LARGE1: variants seen among roughly 807,000 people sequenced by gnomAD.
The protein encoded by LARGE1 is xylosyl- and glucuronyltransferase LARGE1.
A neutral mutation model predicts 87.6 loss-of-function variants in LARGE1; 43 were observed. The observed-to-expected ratio is 0.49, with a 90% confidence interval of 0.38 to 0.63. LARGE1 has a LOEUF of 0.63. LARGE1 is among the 30% of genes least tolerant of loss of function. LARGE1 has a pLI of 0.00. For missense variants in LARGE1, 802 were observed against 1,000.2 expected (o/e 0.80, Z 2.67); for synonymous variants, 434 against 394.6 (o/e 1.10, Z -1.18).
At chr22:33,145,349 G>A in the LARGE1 span, among the ~76,000 whole-genome samples, 23 of 152,132 alleles carry the variant, frequency 1.5e-4, no homozygotes, top group African/African-American at 4.8e-4. Flanking sequence ...AGGAAGCTCT[G>A]TACAACCATC....
At chr22:33,687,679 A>G (rs938939606) in intron 2 of LARGE1, among the ~76,000 whole-genome samples, 3 of 152,108 alleles carry the variant, frequency 2.0e-5, no homozygotes, top group Non-Finnish European at 2.9e-5. Context: ...CGTGCTAGGG[A>G]AAGTGTGGAG....
At chr22:33,603,196 T>C (rs2079157556) in intron 5 of LARGE1, among the ~76,000 whole-genome samples, 3 of 152,188 alleles carry the variant, frequency 2.0e-5, no homozygotes, top group Admixed American at 1.3e-4. Context: ...CTGGCTGGCA[T>C]GTCAGTGATC....
intron 2 of LARGE1, among the ~76,000 whole-genome samples, chr22:33,759,662 T>G (rs2084652925): frequency 6.6e-6 from 1 of 152,194 alleles, no homozygotes; most frequent in Admixed American, 6.5e-5. Flanking sequence ...TATACCATTA[T>G]TATTATTACC....
chr22:33,418,120 T>C (rs571538993), intron 7 of LARGE1, among the ~76,000 whole-genome samples: 20 of 152,282 alleles, frequency 1.3e-4, no homozygotes, highest in Non-Finnish European at 2.4e-4. Context: ...GCTAATTGTT[T>C]GTATTTTTAG....
At chr22:33,583,758 C>T (rs1224174835) in intron 5 of LARGE1, among the ~76,000 whole-genome samples, 2 of 152,176 alleles carry the variant, frequency 1.3e-5, no homozygotes, top group Admixed American at 1.3e-4. Context: ...CTCGCCTTGT[C>T]CATCCCTTCA....
intron 9 of LARGE1, among the ~76,000 whole-genome samples, chr22:33,372,787 C>G (rs895682940): frequency 1.3e-5 from 2 of 152,080 alleles, no homozygotes; most frequent in African/African-American, 4.8e-5. Flanking sequence ...AAATATGTTT[C>G]TTACTGAGAA....
chr22:33,740,458 C>T (rs1349251839), intron 2 of LARGE1, among the ~76,000 whole-genome samples: 2 of 152,118 alleles, frequency 1.3e-5, no homozygotes, highest in Admixed American at 6.5e-5. Context: ...TGGTTTCCTC[C>T]GAGGACCTAT....
At chr22:33,717,474 T>C (rs1425526114) in intron 2 of LARGE1, among the ~76,000 whole-genome samples, 1 of 152,212 alleles carries the variant, frequency 6.6e-6, no homozygotes, top group African/African-American at 2.4e-5. Flanking sequence ...TTGACCCAGT[T>C]CTTCTCCTCA....
intron 2 of LARGE1, among the ~76,000 whole-genome samples, chr22:33,748,418 A>G (rs1348360900): frequency 6.6e-6 from 1 of 151,932 alleles, no homozygotes; most frequent in Non-Finnish European, 1.5e-5. Context: ...TAAATATTCA[A>G]CTCTGTTGAC....
chr22:33,813,872 A>G (rs2086573542), intron 1 of LARGE1, among the ~76,000 whole-genome samples: 1 of 152,206 alleles, frequency 6.6e-6, no homozygotes, highest in South Asian at 2.1e-4. Flanking sequence ...GAACAACTCA[A>G]TGAACACTGA....
chr22:33,105,513 T>A, the LARGE1 span: 2 of 152,138 alleles, frequency 1.3e-5, no homozygotes, highest in East Asian at 3.9e-4. Flanking sequence ...TAGCTGAAAC[T>A]GCGAGGAGCT....
At chr22:33,417,140 C>T (rs982131395) in intron 7 of LARGE1, among the ~76,000 whole-genome samples, 8 of 151,506 alleles carry the variant, frequency 5.3e-5, no homozygotes, top group African/African-American at 1.9e-4. Flanking sequence ...CTCTTGACCT[C>T]GTGATCCGCC....
intron 11 of LARGE1, among the ~76,000 whole-genome samples, chr22:33,234,786 C>G (rs1926172464): frequency 6.6e-6 from 1 of 152,276 alleles, no homozygotes; most frequent in African/African-American, 2.4e-5. Context: ...TGTGATCTGC[C>G]TGCCTTGGCC....
Position 33,447,020 on chromosome 22 carries a change from T to C in LARGE1, c.788-14755A>G, listed in dbSNP as rs999822206. Among the ~76,000 whole-genome samples the C allele has an allele frequency of 1.3e-4, 20 of 152,310 alleles. 1 individual carries two copies. Among genetic ancestry groups the C allele is most frequent in the African/African-American group, 4.3e-4 (18 of 41,580 alleles). On this transcript the variant is annotated intron_variant, in intron 6 of 14. Transcript: ENST00000397394. ...GTGATTCTCCTGCCTCAGCCTCCCATGTAGTTGGAACTACAGGCACGCCAC... is the reference window on the plus strand; with the variant it reads ...GTGATTCTCCTGCCTCAGCCTCCCACGTAGTTGGAACTACAGGCACGCCAC...
the LARGE1 span, among the ~76,000 whole-genome samples, chr22:33,088,070 A>T: frequency 1.3e-5 from 2 of 150,986 alleles, no homozygotes; most frequent in African/African-American, 4.9e-5. Context: ...ACACACACAA[A>T]CACACACACA....
At chr22:33,635,039 A>G (rs531395464) in intron 3 of LARGE1, among the ~76,000 whole-genome samples, 30 of 151,292 alleles carry the variant, frequency 2.0e-4, no homozygotes, top group African/African-American at 7.3e-4. Flanking sequence ...AATCACTTGA[A>G]CCCGGGAGGT....
At chr22:33,249,065 T>C (rs1392651514) in intron 11 of LARGE1, among the ~76,000 whole-genome samples, 1 of 152,218 alleles carries the variant, frequency 6.6e-6, no homozygotes. Context: ...CTCCCTTGGG[T>C]AAATACCAAG....
intron 5 of LARGE1, among the ~76,000 whole-genome samples, chr22:33,599,421 A>G (rs1210469238): frequency 6.6e-6 from 1 of 152,178 alleles, no homozygotes; most frequent in African/African-American, 2.4e-5. Context: ...AGTTCAGAGC[A>G]GAGGTACCTT....
chr22:33,259,467 T>A (rs1045884082), intron 11 of LARGE1, among the ~76,000 whole-genome samples: 2 of 151,994 alleles, frequency 1.3e-5, no homozygotes, highest in East Asian at 3.9e-4. Context: ...CTGCCTTCCA[T>A]TTCTCTGCAA....
Sources: allele counts gnomAD v4.1 joint callset (sites outside exome capture counted in the v4.1 genomes callset), GRCh38; gene constraint gnomAD v4.1.1; transcripts MANE v1.5; gene names NCBI Gene and HGNC (gene_info 2026-07-23, HGNC 2026-07-21).